TBC1D31: variants seen among roughly 807,000 people sequenced by gnomAD.
TBC1D31 encodes the protein TBC1 domain family member 31, also known as WD repeat domain 67.
TBC1D31 carries 99 observed loss-of-function variants against 132.9 expected under a neutral mutation model. The ratio of observed to expected loss-of-function variants is 0.74; its 90% CI spans 0.63 to 0.88. The LOEUF is 0.88. Among genes scored for constraint, TBC1D31 ranks in the 40% least tolerant of loss-of-function variants. The probability of loss-of-function intolerance (pLI) is 0.00; values close to 1 mark genes in which losing one functional copy is unlikely to be tolerated. For synonymous variants in TBC1D31, 385 were observed against 419.4 expected, an observed-to-expected ratio of 0.92 and a Z score of 1.00; for missense variants, 1,134 against 1,256.6, an observed-to-expected ratio of 0.90 and a Z score of 1.48.
At chr8:123,082,531 A>G in intron 2 of TBC1D31, 171 bp from the exon 3 acceptor site, 1 of 573,550 alleles carries the variant, frequency 1.7e-6, no homozygotes, top group Non-Finnish European at 3.1e-6. Context: ...CTATTCTGAT[A>G]ACATCCAAAC....
downstream of TBC1D31, among the ~76,000 whole-genome samples, chr8:123,154,711 A>G (rs763608654): frequency 1.3e-5 from 2 of 152,180 alleles, no homozygotes; most frequent in African/African-American, 4.8e-5. Context: ...GCCAGTGTCC[A>G]TGCTGGGAAG....
chr8:123,136,481 C>T (rs942174187), intron 17 of TBC1D31, among the ~76,000 whole-genome samples: 5 of 152,304 alleles, frequency 3.3e-5, no homozygotes, highest in Middle Eastern at 3.4e-3. Flanking sequence ...GATGGAGTCT[C>T]GCTCTCTCAC....
chr8:123,132,122 G>T (rs1246933702), intron 16 of TBC1D31, among the ~76,000 whole-genome samples: 1 of 151,984 alleles, frequency 6.6e-6, no homozygotes, highest in Non-Finnish European at 1.5e-5. Flanking sequence ...CTCCTTCCTC[G>T]CTTTTTCTAT....
intron 2 of TBC1D31, among the ~76,000 whole-genome samples, chr8:123,078,843 A>ACC (rs34123242): frequency 2.6e-5 from 4 of 151,884 alleles, no homozygotes; most frequent in Admixed American, 6.6e-5. Context: ...GTCACAAAGT[A>ACC]CCCCCCCACA....
At position 123,147,566 on chromosome 8, in the gene TBC1D31, C is replaced by T. The variant is rs1200766112; in HGVS notation, c.2975-2470C>T. 2.6e-5 allele frequency among the ~76,000 whole-genome samples: 4 copies of T among 152,302 alleles called. No individual in the cohort carries two copies. In the East Asian group the frequency reaches 7.7e-4, roughly 29 times the overall value. On this transcript the variant is annotated intron_variant, in intron 20 of 21. Coordinates refer to ENST00000287380, the MANE Select transcript of TBC1D31 (RefSeq NM_145647.4). ...AGAAACTGTGAAAAGCTTTCGTCAT[C>T]GGTAGTTTTCCTACACCTTTGCCCC... is the stretch of plus-strand genomic sequence containing the variant.
At chr8:123,141,821 A>G (rs892200730) in intron 18 of TBC1D31, among the ~76,000 whole-genome samples, 3 of 124,662 alleles carry the variant, frequency 2.4e-5, no homozygotes, top group Non-Finnish European at 5.4e-5. Context: ...CCTTGGCTGT[A>G]AATTAGAGTC....
intron 7 of TBC1D31, chr8:123,102,259 G>A (rs1201925413): frequency 4.4e-6 from 2 of 456,666 alleles, no homozygotes; most frequent in South Asian, 1.5e-5. Flanking sequence ...AGAAGTTCGT[G>A]CTCAAAATTA....
intron 4 of TBC1D31, among the ~76,000 whole-genome samples, chr8:123,088,943 A>AT (rs1816061628): frequency 6.6e-6 from 1 of 152,198 alleles, no homozygotes; most frequent in African/African-American, 2.4e-5. Flanking sequence ...TAAACTAGAC[A>AT]TTAAGTCTAA....
intron 7 of TBC1D31, among the ~76,000 whole-genome samples, chr8:123,104,770 G>A (rs966932789): frequency 6.6e-6 from 1 of 152,108 alleles, no homozygotes; most frequent in African/African-American, 2.4e-5. Context: ...ATACAATAAG[G>A]AACTAATAGT....
At chr8:123,143,846 C>A (rs561902828) in intron 19 of TBC1D31, among the ~76,000 whole-genome samples, 1 of 152,172 alleles carries the variant, frequency 6.6e-6, no homozygotes, top group Non-Finnish European at 1.5e-5. Context: ...GTGAAATTCA[C>A]TGCTGCTGGA....
At chr8:123,164,331 A>G in the TBC1D31 span, among the ~76,000 whole-genome samples, 1 of 152,244 alleles carries the variant, frequency 6.6e-6, no homozygotes. Context: ...CAAGCAAGTC[A>G]CATGGCCAAG....
rs1330353371 is a variant in TBC1D31, at chr8:123,084,309, T to C, written c.488T>C (p.Leu163Pro). The change falls in exon 4 of 22, where the codon CTG becomes CCG. Residue 163 changes from leucine to proline, a missense_variant. Coordinates refer to ENST00000287380, the MANE Select transcript of TBC1D31 (RefSeq NM_145647.4). ...GATACCTTTCAGAGAAAAAGAAAGC[T>C]GAATATTCGCCAGTCTGTGGGTATA... ...DLDTFQRKRKLNIRQSVGIQK... is the reference protein window; with the variant it reads ...DLDTFQRKRKPNIRQSVGIQK... The C allele has an allele frequency of 6.2e-7, 1 of 1,614,058 alleles. No homozygotes were observed.
rs115941866 is a variant in TBC1D31, at chr8:123,086,514, G to A, written c.519+2174G>A. 3.8e-3 allele frequency among the ~76,000 whole-genome samples: 571 copies of A among 152,168 alleles called. 2 individuals carry two copies. Among genetic ancestry groups the A allele is most frequent in the African/African-American group, 0.013 (553 of 41,520 alleles). On this transcript the variant is annotated intron_variant, in intron 4 of 21. Coordinates refer to ENST00000287380, the MANE Select transcript of TBC1D31 (RefSeq NM_145647.4). ...TCCCAAATCCTGGGATGGAGTCAAG[G>A]AGCTTTTGGCTGTCCCACCCTTTTG... is the stretch of plus-strand genomic sequence containing the variant.
intron 10 of TBC1D31, among the ~76,000 whole-genome samples, chr8:123,115,468 C>A (rs889813349): frequency 2.0e-5 from 3 of 152,158 alleles, no homozygotes; most frequent in Admixed American, 2.0e-4. Context: ...TCTGACATAG[C>A]TTATTAACTC....
At chr8:123,151,383 T>A (rs1822759101) in intron 21 of TBC1D31, among the ~76,000 whole-genome samples, 1 of 152,216 alleles carries the variant, frequency 6.6e-6, no homozygotes, top group African/African-American at 2.4e-5. Context: ...TTAGCCAATA[T>A]TAAAAAGCAT....
At chr8:123,118,952 C>T (rs1211269108) in intron 10 of TBC1D31, among the ~76,000 whole-genome samples, 1 of 152,198 alleles carries the variant, frequency 6.6e-6, no homozygotes, top group Non-Finnish European at 1.5e-5. Flanking sequence ...TCTCAAACTC[C>T]TGGGCTTAAG....
At chr8:123,079,173 G>T (rs1399676658) in intron 2 of TBC1D31, among the ~76,000 whole-genome samples, 4 of 152,182 alleles carry the variant, frequency 2.6e-5, no homozygotes, top group African/African-American at 9.7e-5. Context: ...ATCTGAGGGG[G>T]ATGAAAGGGA....
At chr8:123,147,084 T>C (rs748778781) in intron 20 of TBC1D31, among the ~76,000 whole-genome samples, 2 of 152,036 alleles carry the variant, frequency 1.3e-5, no homozygotes, top group African/African-American at 4.8e-5. Flanking sequence ...TCTGCACGAA[T>C]TAAATATTTA....
chr8:123,103,359 T>A (rs963781114), intron 7 of TBC1D31: 2 of 152,148 alleles, frequency 1.3e-5, no homozygotes, highest in African/African-American at 4.8e-5. Context: ...TGTATTAATA[T>A]CTGCTCTTAC....
Sources: gnomAD v4.1 joint callset for allele counts (sites outside exome capture counted in the v4.1 genomes callset) on GRCh38, gnomAD v4.1.1 for gene constraint, MANE v1.5 for transcripts, NCBI Gene and HGNC (gene_info 2026-07-23, HGNC 2026-07-21) for gene names.